Variants in SLC25A30 observed in about 807,000 individuals in gnomAD.
SLC25A30 encodes the protein solute carrier family 25 member 30.
A neutral mutation model predicts 42.7 loss-of-function variants in SLC25A30; 29 were observed. The observed-to-expected ratio is 0.68, with a 90% confidence interval of 0.51 to 0.93. The LOEUF (loss-of-function observed/expected upper bound fraction) is 0.93. Ranked by LOEUF, SLC25A30 falls within the 40% of genes least tolerant of loss-of-function variation. The pLI, the probability that SLC25A30 is intolerant of heterozygous loss-of-function variation, is 0.00. For synonymous variants in SLC25A30, 124 were observed against 131.0 expected (o/e 0.95, Z 0.37); for missense variants, 300 against 359.7 (o/e 0.83, Z 1.34).
chr13:45,433,719 C>G, the SLC25A30 span, among the ~76,000 whole-genome samples: 1 of 152,150 alleles, frequency 6.6e-6, no homozygotes, highest in Non-Finnish European at 1.5e-5. Flanking sequence ...GCTGTTCTGA[C>G]GGGGCCACAG....
intron 9 of SLC25A30, chr13:45,396,484 T>A: frequency 4.7e-6 from 2 of 426,722 alleles, no homozygotes; most frequent in Non-Finnish European, 6.4e-6. Context: ...AGTGTCTAAT[T>A]AACTGCCTCA....
At chr13:45,402,875 G>A (rs1882132879) in intron 5 of SLC25A30, 2 of 896,692 alleles carry the variant, frequency 2.2e-6, no homozygotes, top group Non-Finnish European at 2.7e-6. Context: ...ACAGCCACAT[G>A]ATACCTGTTA....
upstream of SLC25A30, chr13:45,418,552 C>G (rs943746059): frequency 3.5e-5 from 5 of 142,604 alleles, no homozygotes; most frequent in Admixed American, 1.4e-4. Context: ...CCAAGTGCCC[C>G]TCAGGATCTT....
Position 45,394,243 on chromosome 13 carries a change from AC to A in SLC25A30, c.*1730del. ...TTAACAGGTAACCCTACCCCACTGCACCCCGCCCCCGCCCCCACCTTCTGTT... is the reference window on the plus strand; with the variant it reads ...TTAACAGGTAACCCTACCCCACTGCACCCGCCCCCGCCCCCACCTTCTGTT... On this transcript the variant is annotated 3_prime_UTR_variant, in exon 10 of 10. Transcript: ENST00000519676. 3 of 410,524 alleles carry A rather than the reference AC, an allele frequency of 7.3e-6. No individual in the cohort carries two copies. Among genetic ancestry groups the A allele is most frequent in the Non-Finnish European group, 9.5e-6 (3 of 314,252 alleles). The allele number at this position is 410,524 out of a possible 1,614,324, so 25.4% of individuals were successfully genotyped here. A position where few individuals can be genotyped will look rare whatever the true frequency, so the allele number is the denominator to read the frequency against.
Position 45,397,309 on chromosome 13 carries a change from G to A in SLC25A30, c.783C>T (p.Leu261=). 1 of 1,612,338 alleles carries A rather than the reference G, an allele frequency of 6.2e-7. No individual in the cohort carries two copies. The highest frequency in any genetic ancestry group is 8.5e-7 in the Non-Finnish European group (1 of 1,178,860). The change falls in exon 9 of 10, where the codon CTC becomes CTT. Residue 261 remains leucine (L), a synonymous_variant. Coordinates refer to ENST00000519676, the MANE Select transcript of SLC25A30 (RefSeq NM_001010875.4). ...QTWKNEGFFA[L]YKGFWPNWLR... ...ACCAATTTGGCCAAAAGCCTTTATA[G>A]AGAGCAAAAAACCCTTCATTCTTCC...
the SLC25A30 span, among the ~76,000 whole-genome samples, chr13:45,424,504 A>AATATAT: frequency 8.3e-4 from 31 of 37,272 alleles, 1 homozygote; most frequent in African/African-American, 2.9e-3. Context: ...TAAATATATA[A>AATATAT]AAATATATAT....
Position 45,399,015 on chromosome 13 carries a change from TG to T in SLC25A30, c.677del (p.Thr226AsnfsTer3). On this transcript the variant is annotated frameshift_variant, in exon 8 of 10. Coordinates refer to ENST00000519676, the MANE Select transcript of SLC25A30 (RefSeq NM_001010875.4). LOFTEE classifies it high-confidence loss of function. ...LASNPVDVVRTRMMNQRVLRD... is the reference protein window; with the variant it reads ...LASNPVDVVRXRMMNQRVLRD... ...GAAGCACTCTCTGATTCATCATACG[TG>T]TCCTCACAACATCAACAGGGTTTGA... 1 of 1,613,970 alleles carries T rather than the reference TG, an allele frequency of 6.2e-7. No homozygotes were observed. The highest frequency in any genetic ancestry group is 8.5e-7 in the Non-Finnish European group (1 of 1,179,980).
At chr13:45,429,048 T>C in the SLC25A30 span, among the ~76,000 whole-genome samples, 1 of 147,004 alleles carries the variant, frequency 6.8e-6, no homozygotes, top group Non-Finnish European at 1.5e-5. Context: ...GTTACATATG[T>C]GCAAGCTCTT....
intron 9 of SLC25A30, chr13:45,396,495 C>T (rs574818025): frequency 9.4e-5 from 34 of 363,414 alleles, no homozygotes; most frequent in African/African-American, 6.6e-4. Context: ...AACTGCCTCA[C>T]GGGCGCGGTG....
At chr13:45,397,835 C>T (rs1451038494) in intron 8 of SLC25A30, 1 of 963,130 alleles carries the variant, frequency 1.0e-6, no homozygotes, top group Non-Finnish European at 1.2e-6. Flanking sequence ...GCCCAACAAC[C>T]CCACACGAAG....
At chr13:45,424,514 T>A in the SLC25A30 span, among the ~76,000 whole-genome samples, 123 of 22,932 alleles carry the variant, frequency 5.4e-3, no homozygotes, top group Admixed American at 8.3e-3. Context: ...AAAATATATA[T>A]AAATATATAA....
At chr13:45,422,234 C>T (rs1157150568), upstream of SLC25A30, among the ~76,000 whole-genome samples, 6 of 152,056 alleles carry the variant, frequency 3.9e-5, no homozygotes, top group Admixed American at 6.6e-5. Flanking sequence ...TATGGACCTG[C>T]GTCTTGTCAA....
chr13:45,409,098 C>T (rs764167986), intron 2 of SLC25A30, 24 bp from the exon 3 acceptor site: 1 of 1,565,880 alleles, frequency 6.4e-7, no homozygotes, highest in Non-Finnish European at 8.6e-7. Context: ...AAGAAATTCA[C>T]TTAATAAAAA....
At chr13:45,423,923 A>G in the SLC25A30 span, among the ~76,000 whole-genome samples, 1 of 62,458 alleles carries the variant, frequency 1.6e-5, no homozygotes, top group Non-Finnish European at 3.1e-5. Context: ...AAAAATATAT[A>G]TAAACATATA....
chr13:45,419,122 C>T (rs1227206701), upstream of SLC25A30, among the ~76,000 whole-genome samples: 2 of 115,084 alleles, frequency 1.7e-5, no homozygotes, highest in East Asian at 2.4e-4. Flanking sequence ...CAAAGTGATA[C>T]TCCCTCTTAA....
At chr13:45,419,401 C>A (rs1425038061), upstream of SLC25A30, among the ~76,000 whole-genome samples, 1 of 150,968 alleles carries the variant, frequency 6.6e-6, no homozygotes, top group Non-Finnish European at 1.5e-5. Context: ...TCACTGCAAC[C>A]TCCGCCTCCC....
At chr13:45,432,877 C>CA in the SLC25A30 span, among the ~76,000 whole-genome samples, 52 of 148,392 alleles carry the variant, frequency 3.5e-4, no homozygotes, top group South Asian at 1.1e-3. Context: ...AAAAAAAAAA[C>CA]AAAAAAAAAT....
the SLC25A30 span, among the ~76,000 whole-genome samples, chr13:45,424,211 G>C: frequency 2.0e-5 from 1 of 49,392 alleles, no homozygotes; most frequent in Non-Finnish European, 3.6e-5. Context: ...ACATATATGT[G>C]TAAATATATA....
chr13:45,423,804 A>ATATC, the SLC25A30 span, among the ~76,000 whole-genome samples: 835 of 65,302 alleles, frequency 0.013, 32 homozygotes, highest in African/African-American at 0.047. Context: ...ATATATATTT[A>ATATC]TATATATAAA....
Sources: gnomAD v4.1 joint callset for allele counts (sites outside exome capture counted in the v4.1 genomes callset) on GRCh38, gnomAD v4.1.1 for gene constraint, MANE v1.5 for transcripts, NCBI Gene and HGNC (gene_info 2026-07-23, HGNC 2026-07-21) for gene names.